The following GOLGA5 variants were observed in gnomAD, a reference collection of about 807,000 sequenced individuals.
GOLGA5 encodes the protein golgin A5.
Under a neutral mutation model 93.5 loss-of-function variants are expected in GOLGA5, and 50 were observed. The ratio of observed to expected loss-of-function variants is 0.53; its 90% CI spans 0.43 to 0.68. The LOEUF is 0.68. GOLGA5 is among the 30% of genes least tolerant of loss of function. The pLI is 0.00. For synonymous variants in GOLGA5, 312 were observed against 304.5 expected (o/e 1.02, Z -0.26); for missense variants, 760 against 856.4 (o/e 0.89, Z 1.40).
At chr14:92,804,240 A>AT (rs1270655151) in intron 2 of GOLGA5, among the ~76,000 whole-genome samples, 1 of 151,912 alleles carries the variant, frequency 6.6e-6, no homozygotes, top group Admixed American at 6.6e-5. Flanking sequence ...TTATTTAAAA[A>AT]TTTTTTGTAG....
At chr14:92,800,341 A>G (rs907646260) in intron 2 of GOLGA5, among the ~76,000 whole-genome samples, 2 of 152,236 alleles carry the variant, frequency 1.3e-5, no homozygotes, top group Non-Finnish European at 2.9e-5. Flanking sequence ...GGTCTTAAAG[A>G]ATGAACAGGA....
At chr14:92,822,151 A>G (rs2140328138) in intron 8 of GOLGA5, among the ~76,000 whole-genome samples, 1 of 152,350 alleles carries the variant, frequency 6.6e-6, no homozygotes, top group Admixed American at 6.5e-5. Context: ...AAAAGAAATC[A>G]GACAAACCTT....
intron 4 of GOLGA5, among the ~76,000 whole-genome samples, 189 bp downstream of exon 4, chr14:92,809,708 C>G (rs1223061950): frequency 6.6e-6 from 1 of 152,118 alleles, no homozygotes; most frequent in Non-Finnish European, 1.5e-5. Context: ...AATCCTAGCA[C>G]TTTGGGAAGC....
At chr14:92,807,677 C>A (rs1314520506) in intron 3 of GOLGA5, among the ~76,000 whole-genome samples, 4 of 152,116 alleles carry the variant, frequency 2.6e-5, no homozygotes, top group Non-Finnish European at 5.9e-5. Context: ...CAGTTCAGTG[C>A]CCTTGGGAAT....
intron 2 of GOLGA5, among the ~76,000 whole-genome samples, chr14:92,805,979 T>TAAA (rs11420333): frequency 1.9e-4 from 26 of 137,332 alleles, no homozygotes; most frequent in African/African-American, 5.8e-4. Flanking sequence ...CCAGTTTGAT[T>TAAA]AAAAAAAAAA....
intron 9 of GOLGA5, among the ~76,000 whole-genome samples, chr14:92,825,149 G>A (rs1410712721): frequency 1.7e-4 from 26 of 151,898 alleles, no homozygotes; most frequent in Non-Finnish European, 4.4e-5. Flanking sequence ...CACATTCCCT[G>A]TAATCATAGT....
intron 2 of GOLGA5, 88 bp downstream of exon 2, chr14:92,798,069 A>T (rs1884777293): frequency 1.1e-6 from 1 of 883,762 alleles, no homozygotes; most frequent in Non-Finnish European, 1.8e-6. Context: ...ATCTACTGTT[A>T]TGGAATCTGT....
chr14:92,796,740 G>A (rs1004156008), intron 1 of GOLGA5, among the ~76,000 whole-genome samples: 3 of 143,876 alleles, frequency 2.1e-5, no homozygotes, highest in Non-Finnish European at 4.5e-5. Context: ...GGAGGCCGAG[G>A]CGGGTGGATC....
chr14:92,796,976 CAAAAAA>C (rs71123379), intron 1 of GOLGA5, among the ~76,000 whole-genome samples: 8 of 73,682 alleles, frequency 1.1e-4, no homozygotes, highest in African/African-American at 2.2e-4. Flanking sequence ...GACTCCGTCT[CAAAAAA>C]AAAAAAAAAA....
intron 2 of GOLGA5, among the ~76,000 whole-genome samples, chr14:92,801,503 CAT>C (rs1289546677): frequency 6.6e-6 from 1 of 151,958 alleles, no homozygotes; most frequent in Non-Finnish European, 1.5e-5. Flanking sequence ...CTTCTTGATT[CAT>C]AGACATTCTT....
In GOLGA5 at chr14:92,797,657, A is replaced by G; in HGVS notation, c.220A>G (p.Lys74Glu). The G allele has an allele frequency of 1.5e-5, 25 of 1,614,044 alleles. No homozygotes were observed. Among genetic ancestry groups the G allele is most frequent in the Non-Finnish European group, 1.9e-5 (23 of 1,179,876 alleles). ...AGCAGCTGATAACATTCGAAATCAAAAAGCCACCATCTTAGCTGGCACTGC... is the reference window on the plus strand; with the variant it reads ...AGCAGCTGATAACATTCGAAATCAAGAAGCCACCATCTTAGCTGGCACTGC... ...SSAADNIRNQ[K>E]ATILAGTANV... Residue 74 changes from lysine to glutamate, a missense_variant, in exon 2 of 13, where the codon AAA becomes GAA. Lys to Glu is a moderately conservative substitution (Grantham distance 56, BLOSUM62 1). Transcript: ENST00000163416.
At chr14:92,801,013 T>C (rs1595589699) in intron 2 of GOLGA5, among the ~76,000 whole-genome samples, 1 of 152,324 alleles carries the variant, frequency 6.6e-6, no homozygotes, top group African/African-American at 2.4e-5. Flanking sequence ...CTGTTCTTTG[T>C]AGGATGTTTA....
At chr14:92,809,820 G>T (rs1054580162) in intron 4 of GOLGA5, among the ~76,000 whole-genome samples, 1 of 152,154 alleles carries the variant, frequency 6.6e-6, no homozygotes, top group Non-Finnish European at 1.5e-5. Context: ...TTAGCCGGGG[G>T]TGGTGGCACA....
chr14:92,833,940 G>A (rs1382133200), intron 10 of GOLGA5, among the ~76,000 whole-genome samples: 5 of 150,350 alleles, frequency 3.3e-5, no homozygotes, highest in Non-Finnish European at 7.4e-5. Flanking sequence ...TATGGGGATG[G>A]CACTGTAATT....
intron 5 of GOLGA5, 70 bp downstream of exon 5, chr14:92,810,447 A>G (rs1358954776): frequency 2.5e-6 from 3 of 1,193,110 alleles, no homozygotes; most frequent in Non-Finnish European, 3.5e-6. Context: ...GCTGTTTCAT[A>G]GCACATTAAC....
chr14:92,813,722 G>A (rs1028916895), intron 6 of GOLGA5, among the ~76,000 whole-genome samples: 1 of 152,166 alleles, frequency 6.6e-6, no homozygotes, highest in African/African-American at 2.4e-5. Context: ...CTTGTTCATC[G>A]TTGTATCCCC....
rs968739348 is a variant in GOLGA5, at chr14:92,824,214, A to G, written c.1621-332A>G. ...TTTTTCCAGTTGTCATATTAATGCT[A>G]TATAACTGAGATTCTTGAAGAGATT... On this transcript the variant is annotated intron_variant, in intron 8 of 12. Coordinates refer to ENST00000163416, the MANE Select transcript of GOLGA5 (RefSeq NM_005113.4). Among the ~76,000 whole-genome samples the G allele has an allele frequency of 4.6e-5, 7 of 152,282 alleles. No homozygotes were observed. In the South Asian group the frequency reaches 1.0e-3, roughly 23 times the overall value.
chr14:92,834,192 T>TA (rs1416697972), intron 10 of GOLGA5, among the ~76,000 whole-genome samples: 2 of 141,428 alleles, frequency 1.4e-5, no homozygotes, highest in African/African-American at 2.5e-5. Flanking sequence ...ACCTTTTTTT[T>TA]TTTATTTTAT....
intron 8 of GOLGA5, 104 bp from the exon 9 acceptor site, chr14:92,824,442 G>T (rs1885374092): frequency 1.1e-5 from 7 of 647,978 alleles, no homozygotes; most frequent in Non-Finnish European, 2.8e-6. Context: ...TACATGTTCA[G>T]CACATACTGA....
Sources: allele counts gnomAD v4.1 joint callset (sites outside exome capture counted in the v4.1 genomes callset), GRCh38; gene constraint gnomAD v4.1.1; transcripts MANE v1.5; gene names NCBI Gene and HGNC (gene_info 2026-07-23, HGNC 2026-07-21).